SMO: variants seen among roughly 807,000 people sequenced by gnomAD.
SMO encodes smoothened, frizzled class receptor.
A neutral mutation model predicts 81.6 loss-of-function variants in SMO; 40 were observed. The observed-to-expected ratio is 0.49, with a 90% CI of 0.38 to 0.64. The LOEUF (loss-of-function observed/expected upper bound fraction) is 0.64. Ranked by LOEUF, SMO falls within the 30% of genes least tolerant of loss-of-function variation. The probability of loss-of-function intolerance (pLI) is 0.00; values close to 1 mark genes in which losing one functional copy is unlikely to be tolerated. For synonymous variants in SMO, 434 were observed against 432.1 expected, an observed-to-expected ratio of 1.00 and a Z score of -0.05; for missense variants, 916 against 1,061.1, an observed-to-expected ratio of 0.86 and a Z score of 1.90.
rs1351764037 is a variant in SMO, at chr7:129,210,704, G to T, written c.1652+156G>T. On this transcript the variant is annotated intron_variant, in intron 9 of 11. Coordinates refer to ENST00000249373, the MANE Select transcript of SMO (RefSeq NM_005631.5). The surrounding 1 kb of genome is among the most constrained non-coding windows in gnomAD (Gnocchi z 4.7). ...ACCTTCTGTCCTTGGGTGGCCTGATGCCTGGGCCTGGGCCTGGGCCAAGGG... is the reference window on the plus strand; with the variant it reads ...ACCTTCTGTCCTTGGGTGGCCTGATTCCTGGGCCTGGGCCTGGGCCAAGGG... Among the ~76,000 whole-genome samples the T allele has an allele frequency of 6.6e-6, 1 of 152,216 alleles. No homozygotes were observed. Among genetic ancestry groups the T allele is most frequent in the Non-Finnish European group, 1.5e-5 (1 of 68,038 alleles).
At chr7:129,207,759 G>A (rs922474163) in intron 6 of SMO, among the ~76,000 whole-genome samples, 1 of 152,122 alleles carries the variant, frequency 6.6e-6, no homozygotes, top group Non-Finnish European at 1.5e-5. Flanking sequence ...TGGGCAGGGT[G>A]GCACATGCCT....
Position 129,211,303 on chromosome 7 carries a change from G to T in SMO, c.1801+190G>T, listed in dbSNP as rs1012495970. The T allele has an allele frequency of 1.3e-6, 1 of 750,096 alleles. No individual in the cohort carries two copies. Among genetic ancestry groups the T allele is most frequent in the African/African-American group, 1.7e-5 (1 of 58,024 alleles). 46.5% of individuals were successfully genotyped at this position (750,096 alleles called of 1,614,324 possible). A position where few individuals can be genotyped will look rare whatever the true frequency, so the allele number is the denominator to read the frequency against. On this transcript the variant is annotated intron_variant, in intron 10 of 11. Transcript: ENST00000249373. The surrounding 1 kb of genome is among the most constrained non-coding windows in gnomAD (Gnocchi z 4.6). The stretch of plus-strand genomic sequence containing the variant: ...CCCTCTGGGGGGCTCTCCCCTCTCT[G>T]TTTCTGCCCCTGGGTCTGCTTGCCG...
At position 129,189,492 on chromosome 7, in the gene SMO, G is replaced by C. The variant is rs1291385899; in HGVS notation, c.331+10G>C. The C allele has an allele frequency of 6.5e-7, 1 of 1,535,722 alleles. No homozygotes were observed. The highest frequency in any genetic ancestry group is 8.7e-7 in the Non-Finnish European group (1 of 1,146,682). On this transcript the variant is annotated intron_variant, in intron 1 of 11. Coordinates refer to ENST00000249373, the MANE Select transcript of SMO (RefSeq NM_005631.5). The surrounding 1 kb of genome is among the most constrained non-coding windows in gnomAD (Gnocchi z 4.7). ...CTCGTGCTCTGGTCGGGTAAGTGCG[G>C]CGGAGCCGGGTCTGGGGGGCGGGAG...
In SMO at chr7:129,205,324, C is replaced by T. The variant is rs200359079; in HGVS notation, c.659C>T (p.Pro220Leu). ...GGCTGCGGCATCCAGTGCCAGAACC[C>T]GCTCTTCACAGAGGCTGAGCACCAG... ...VEGCGIQCQN[P>L]LFTEAEHQDM... The change falls in exon 3 of 12, where the codon CCG (proline) becomes CTG (leucine). Residue 220 changes from proline (P) to leucine (L), a missense_variant. Pro to Leu is a moderately conservative substitution (Grantham distance 98). This residue lies in a region of SMO where 436 missense variants were observed against 570.9 expected (regional missense o/e 0.76). Coordinates refer to ENST00000249373, the MANE Select transcript of SMO (RefSeq NM_005631.5). The T allele has an allele frequency of 7.4e-6, 12 of 1,614,154 alleles. No homozygotes were observed. In the Admixed American group the frequency reaches 1.5e-4, roughly 20 times the overall value.
chr7:129,208,718 G>C lies in SMO; in HGVS notation c.1265-41G>C. On this transcript the variant is annotated intron_variant, in intron 6 of 11. Coordinates refer to ENST00000249373, the MANE Select transcript of SMO (RefSeq NM_005631.5). This position sits in a 1 kb window ranked among gnomAD's most constrained non-coding sequence, Gnocchi z 5.2. ...CTCACCCATCCTTCCCAGCAGGGCAGCCTCACCCCTGCTAATGTCTGAGGT... is the reference window on the plus strand; with the variant it reads ...CTCACCCATCCTTCCCAGCAGGGCACCCTCACCCCTGCTAATGTCTGAGGT... The C allele has an allele frequency of 1.5e-6, 2 of 1,325,426 alleles. No individual in the cohort carries two copies. Among genetic ancestry groups the C allele is most frequent in the Non-Finnish European group, 2.2e-6 (2 of 919,194 alleles). 82.1% of individuals were successfully genotyped at this position (1,325,426 alleles called of 1,614,324 possible).
At position 129,189,191 on chromosome 7, in the gene SMO, C is replaced by A. The variant is rs916719717; in HGVS notation, c.40C>A (p.Leu14Ile). ...CCCAGCGCGGGGGCCGGAGCTCCCG[C>A]TCCTGGGGCTGCTGCTGCTGCTGCT... ...ARPARGPELP[L>I]LGLLLLLLLG... is the part of the protein sequence containing the mutation. The change falls in exon 1 of 12, where the codon CTC becomes ATC. Residue 14 changes from leucine to isoleucine, a missense_variant. By Grantham distance (5) the Leu-to-Ile change is conservative. Coordinates refer to ENST00000249373, the MANE Select transcript of SMO (RefSeq NM_005631.5). This position sits in a 1 kb window ranked among gnomAD's most constrained non-coding sequence, Gnocchi z 4.7. 1.7e-6 allele frequency: 2 copies of A among 1,169,260 alleles called. No individual in the cohort carries two copies. Among genetic ancestry groups the A allele is most frequent in the Non-Finnish European group, 2.1e-6 (2 of 934,696 alleles). The allele number at this position is 1,169,260 out of a possible 1,614,324, so 72.4% of individuals were successfully genotyped here.
In SMO at chr7:129,211,467, T is replaced by A; in HGVS notation, c.1802-169T>A. ...TAGGCCCTTTGGGGACGTGAGGCCC[T>A]TCTCTTCAGATTCTGAAGGGGTAGA... On this transcript the variant is annotated intron_variant, in intron 10 of 11. Coordinates refer to ENST00000249373, the MANE Select transcript of SMO (RefSeq NM_005631.5). The surrounding 1 kb of genome is among the most constrained non-coding windows in gnomAD (Gnocchi z 4.6). 1.3e-6 allele frequency: 1 copy of A among 799,296 alleles called. No homozygotes were observed. Among genetic ancestry groups the A allele is most frequent in the Non-Finnish European group, 2.1e-6 (1 of 470,400 alleles). 49.5% of individuals were successfully genotyped at this position (799,296 alleles called of 1,614,324 possible).
In SMO at chr7:129,189,295, G is replaced by T; in HGVS notation, c.144G>T (p.Ala48=). ...GPGPRSAGGS[A]RRSAAVTGPP... is the part of the protein sequence containing the mutation. ...GGCCTCGGAGCGCGGGCGGGAGCGC[G>T]AGGAGGAGCGCGGCGGTGACTGGCC... Residue 48 remains alanine (A), a synonymous_variant, in exon 1 of 12, where the codon GCG becomes GCT. Coordinates refer to ENST00000249373, the MANE Select transcript of SMO (RefSeq NM_005631.5). The surrounding 1 kb of genome is among the most constrained non-coding windows in gnomAD (Gnocchi z 4.7). The T allele has an allele frequency of 7.0e-7, 1 of 1,434,446 alleles. No individual in the cohort carries two copies. The highest frequency in any genetic ancestry group is 9.1e-7 in the Non-Finnish European group (1 of 1,104,396). 88.9% of individuals were successfully genotyped at this position (1,434,446 alleles called of 1,614,324 possible).
Position 129,208,737 on chromosome 7 carries a change from C to T in SMO, c.1265-22C>T, listed in dbSNP as rs2150652113. The T allele has an allele frequency of 1.3e-6, 2 of 1,537,182 alleles. No individual in the cohort carries two copies. Among genetic ancestry groups the T allele is most frequent in the African/African-American group, 2.7e-5 (2 of 73,416 alleles). ...AGGGCAGCCTCACCCCTGCTAATGT[C>T]TGAGGTCCCCCTTCTGTTCAGGAGT... On this transcript the variant is annotated intron_variant, in intron 6 of 11. Coordinates refer to ENST00000249373, the MANE Select transcript of SMO (RefSeq NM_005631.5). This position sits in a 1 kb window ranked among gnomAD's most constrained non-coding sequence, Gnocchi z 5.2.
intron 1 of SMO, among the ~76,000 whole-genome samples, chr7:129,196,820 G>A (rs1404287395): frequency 1.3e-4 from 20 of 152,024 alleles, no homozygotes; most frequent in Non-Finnish European, 1.9e-4. Context: ...GATTGAGACC[G>A]TCCTGGCTAA....
intron 1 of SMO, among the ~76,000 whole-genome samples, chr7:129,193,324 TTTC>T (rs1783172354): frequency 6.6e-6 from 1 of 152,016 alleles, no homozygotes; most frequent in Admixed American, 6.6e-5. Flanking sequence ...CTGGGAGGAA[TTTC>T]TTGTTTGCCT....
At chr7:129,190,361 C>T (rs1793464375) in intron 1 of SMO, among the ~76,000 whole-genome samples, 1 of 152,184 alleles carries the variant, frequency 6.6e-6, no homozygotes, top group African/African-American at 2.4e-5. Flanking sequence ...GGAGTATACT[C>T]TCCCCCACCT....
chr7:129,198,125 G>GT lies in SMO; in HGVS notation c.332-5252dup, dbSNP rs553191737. On this transcript the variant is annotated intron_variant, in intron 1 of 11. Coordinates refer to ENST00000249373, the MANE Select transcript of SMO (RefSeq NM_005631.5). Reference sequence around the variant, plus strand: ...AAGTTTTGTTTTTGTTTTTGTTTTTGTTTTTTTGTAGAGATGGGGTTTGGC... The same window carrying GT: ...AAGTTTTGTTTTTGTTTTTGTTTTTGTTTTTTTTGTAGAGATGGGGTTTGGC... Among the ~76,000 whole-genome samples, 74 of 151,400 alleles carry GT rather than the reference G, an allele frequency of 4.9e-4. 1 individual carries two copies. Among genetic ancestry groups the GT allele is most frequent in the Admixed American group, 5.9e-4 (9 of 15,174 alleles).
chr7:129,195,629 T>C (rs1169115564), intron 1 of SMO, among the ~76,000 whole-genome samples: 2 of 152,162 alleles, frequency 1.3e-5, no homozygotes, highest in East Asian at 3.8e-4. Flanking sequence ...GACATAATAG[T>C]TATCAAATAT....
intron 1 of SMO, among the ~76,000 whole-genome samples, chr7:129,201,927 C>T (rs1002783976): frequency 5.3e-5 from 8 of 152,064 alleles, no homozygotes; most frequent in Non-Finnish European, 8.8e-5. Flanking sequence ...GTGATCTGCC[C>T]GCCTTTGCCT....
In SMO at chr7:129,206,732, T is replaced by C. The variant is rs1387477024; in HGVS notation, c.1264+145T>C. On this transcript the variant is annotated intron_variant, in intron 6 of 11. Coordinates refer to ENST00000249373, the MANE Select transcript of SMO (RefSeq NM_005631.5). This position sits in a 1 kb window ranked among gnomAD's most constrained non-coding sequence, Gnocchi z 4.4. ...GCCTTCACACAGTAGAAGGTGACCC[T>C]CTAGGCAGACGAAACACCGTGAGCA... 2.5e-6 allele frequency: 2 copies of C among 810,452 alleles called. No homozygotes were observed. The highest frequency in any genetic ancestry group is 2.5e-5 in the Admixed American group (1 of 39,462). The allele number at this position is 810,452 out of a possible 1,614,324, so 50.2% of individuals were successfully genotyped here.
At chr7:129,204,542 A>C (rs1052125943) in intron 2 of SMO, among the ~76,000 whole-genome samples, 1 of 152,084 alleles carries the variant, frequency 6.6e-6, no homozygotes, top group East Asian at 1.9e-4. Flanking sequence ...GCTACTTGGG[A>C]GGCTGAGGCA....
At position 129,212,732 on chromosome 7, in the gene SMO, G is replaced by A. The variant is rs188027340; in HGVS notation, c.*281G>A. On this transcript the variant is annotated 3_prime_UTR_variant, in exon 12 of 12. Coordinates refer to ENST00000249373, the MANE Select transcript of SMO (RefSeq NM_005631.5). This position sits in a 1 kb window ranked among gnomAD's most constrained non-coding sequence, Gnocchi z 5.0. ...CCTGGTTGGCAGCATCTGCTCCATC[G>A]GGGCAGGGGGTATGCAGAGCTTGTG... 49 of 506,710 alleles carry A rather than the reference G, an allele frequency of 9.7e-5. No homozygotes were observed. The highest frequency in any genetic ancestry group is 6.9e-4 in the South Asian group (26 of 37,786). 31.4% of individuals were successfully genotyped at this position (506,710 alleles called of 1,614,324 possible). A position where few individuals can be genotyped will look rare whatever the true frequency, so the allele number is the denominator to read the frequency against.
chr7:129,209,944 C>G (rs751105405), intron 8 of SMO: 1 of 180,774 alleles, frequency 5.5e-6, no homozygotes, highest in African/African-American at 2.4e-5. Context: ...TCAGGCTCTT[C>G]CGTAAAGGTT....
Sources: allele counts gnomAD v4.1 joint callset (sites outside exome capture counted in the v4.1 genomes callset), GRCh38; gene constraint gnomAD v4.1.1; regional missense constraint gnomAD v4.1.1; non-coding constraint Gnocchi (gnomAD v3.1); transcripts MANE v1.5; gene names NCBI Gene and HGNC (gene_info 2026-07-23, HGNC 2026-07-21).